ARID5B: variants seen among roughly 807,000 people sequenced by gnomAD.
The protein encoded by ARID5B is AT-rich interactive domain-containing protein 5B.
A neutral mutation model predicts 97.2 loss-of-function variants in ARID5B; 13 were observed. The ratio of observed to expected loss-of-function variants is 0.13; its 90% CI spans 0.09 to 0.21. The LOEUF (loss-of-function observed/expected upper bound fraction) is 0.21, where lower values mean the gene tolerates loss of function less well. ARID5B is among the 10% of genes least tolerant of loss of function. The pLI, the probability that ARID5B is intolerant of heterozygous loss-of-function variation, is 1.00. For missense variants in ARID5B, 1,210 were observed against 1,465.3 expected (o/e 0.83, Z 2.84); for synonymous variants, 556 against 570.3 (o/e 0.97, Z 0.36).
intron 3 of ARID5B, among the ~76,000 whole-genome samples, chr10:61,943,110 G>A (rs1844441345): frequency 6.6e-6 from 1 of 152,184 alleles, no homozygotes; most frequent in Non-Finnish European, 1.5e-5. Flanking sequence ...AATGTGGAAA[G>A]AGAAACAAAA....
intron 2 of ARID5B, among the ~76,000 whole-genome samples, chr10:61,925,349 C>T (rs1411640483): frequency 6.6e-6 from 1 of 152,058 alleles, no homozygotes; most frequent in Non-Finnish European, 1.5e-5. Flanking sequence ...CTGAGCATAA[C>T]ACTGGAATTG....
intron 1 of ARID5B, 70 bp from the exon 2 acceptor site, chr10:61,902,089 G>C: frequency 6.4e-7 from 1 of 1,567,446 alleles, no homozygotes; most frequent in Admixed American, 1.7e-5. Context: ...GTGTGTAAAT[G>C]TGTCTGGGAA....
chr10:61,963,973 T>C (rs1441002669), intron 3 of ARID5B, among the ~76,000 whole-genome samples: 8 of 152,148 alleles, frequency 5.3e-5, no homozygotes, highest in Non-Finnish European at 1.2e-4. Context: ...AGAGTGATTT[T>C]ATTTTTGCAG....
At chr10:62,068,951 A>G (rs1235658358) in intron 7 of ARID5B, among the ~76,000 whole-genome samples, 1 of 152,178 alleles carries the variant, frequency 6.6e-6, no homozygotes, top group East Asian at 1.9e-4. Flanking sequence ...TCAACTCAAT[A>G]ATGTACGTAG....
At chr10:62,032,881 G>T (rs1372556674) in intron 4 of ARID5B, among the ~76,000 whole-genome samples, 1 of 151,924 alleles carries the variant, frequency 6.6e-6, no homozygotes, top group Non-Finnish European at 1.5e-5. Context: ...TTCTATATAG[G>T]TAGAATTTGG....
rs138369765 is a variant in ARID5B, at chr10:62,055,148, G to A, written c.847-1969G>A. Among the ~76,000 whole-genome samples, 55 of 152,288 alleles carry A rather than the reference G, an allele frequency of 3.6e-4. No homozygotes were observed. In the East Asian group the frequency reaches 8.7e-3, roughly 24 times the overall value. On this transcript the variant is annotated intron_variant, in intron 5 of 9. Coordinates refer to ENST00000279873, the MANE Select transcript of ARID5B (RefSeq NM_032199.3). ...ATTTCTAAGTGGTAGGTTTCGTAAT[G>A]CCTGGTAATAAGATAGGCTTTTTAA...
intron 3 of ARID5B, among the ~76,000 whole-genome samples, chr10:61,963,947 T>A (rs1838509343): frequency 6.6e-6 from 1 of 152,094 alleles, no homozygotes; most frequent in South Asian, 2.1e-4. Context: ...TGAAAAACAT[T>A]GCCAGGATCT....
intron 8 of ARID5B, among the ~76,000 whole-genome samples, chr10:62,083,488 A>G (rs982056448): frequency 6.6e-6 from 1 of 152,056 alleles, no homozygotes; most frequent in African/African-American, 2.4e-5. Context: ...CTCCCACCCA[A>G]TTCTCTGCTT....
At chr10:62,082,540 G>A (rs745535030) in intron 8 of ARID5B, among the ~76,000 whole-genome samples, 1 of 152,138 alleles carries the variant, frequency 6.6e-6, no homozygotes, top group Non-Finnish European at 1.5e-5. Context: ...AATCTTTGCT[G>A]TGCTACAAAT....
In ARID5B at chr10:62,091,016, A is replaced by G; in HGVS notation, c.1553A>G (p.Asn518Ser). The stretch of plus-strand genomic sequence containing the variant: ...TCCAGAGTAGACCCAGAGAAGGACA[A>G]CGAAACAGACCAAGGTTCCAACAGT... Reference protein sequence around the residue: ...LASRVDPEKDNETDQGSNSEK... With the variant: ...LASRVDPEKDSETDQGSNSEK... The change falls in exon 10 of 10, where the codon AAC becomes AGC. Residue 518 changes from asparagine (N) to serine (S), a missense_variant. By Grantham distance (46) the Asn-to-Ser change is conservative. Around this residue, in one of 8 missense-constraint regions of ARID5B, gnomAD observed 800 missense variants for 839.1 expected, o/e 0.95. Coordinates refer to ENST00000279873, the MANE Select transcript of ARID5B (RefSeq NM_032199.3). The G allele has an allele frequency of 6.2e-7, 1 of 1,614,166 alleles. No homozygotes were observed. Among genetic ancestry groups the G allele is most frequent in the South Asian group, 1.1e-5 (1 of 91,082 alleles).
chr10:61,946,861 T>C (rs1046079962), intron 3 of ARID5B, among the ~76,000 whole-genome samples: 4 of 151,940 alleles, frequency 2.6e-5, no homozygotes, highest in African/African-American at 9.7e-5. Context: ...GAGGAGGTTG[T>C]AGTGAGCAGA....
intron 8 of ARID5B, among the ~76,000 whole-genome samples, chr10:62,081,360 G>C (rs559805288): frequency 1.3e-5 from 2 of 152,344 alleles, no homozygotes; most frequent in South Asian, 4.1e-4. Flanking sequence ...TCTGTAAATA[G>C]ATGGATTCTC....
intron 4 of ARID5B, among the ~76,000 whole-genome samples, chr10:62,014,580 A>C (rs1446146129): frequency 6.6e-6 from 1 of 152,128 alleles, no homozygotes; most frequent in African/African-American, 2.4e-5. Flanking sequence ...AGTGTACTAG[A>C]AAGGGCATTT....
intron 3 of ARID5B, among the ~76,000 whole-genome samples, chr10:61,988,311 A>G (rs776772947): frequency 1.3e-4 from 20 of 152,262 alleles, no homozygotes; most frequent in Non-Finnish European, 2.4e-4. Context: ...ACTGGGTGTC[A>G]TGACAGAAAA....
At chr10:62,070,627 G>A (rs1840051332) in intron 8 of ARID5B, among the ~76,000 whole-genome samples, 1 of 151,908 alleles carries the variant, frequency 6.6e-6, no homozygotes, top group South Asian at 2.1e-4. Flanking sequence ...TATCTGTATT[G>A]CATTTAACTC....
At chr10:61,916,582 A>G (rs1371119308) in intron 2 of ARID5B, among the ~76,000 whole-genome samples, 1 of 152,146 alleles carries the variant, frequency 6.6e-6, no homozygotes, top group Non-Finnish European at 1.5e-5. Flanking sequence ...CGGGAGGGTA[A>G]TTTGAAAGGT....
intron 4 of ARID5B, among the ~76,000 whole-genome samples, chr10:62,022,108 G>A (rs1226386135): frequency 1.3e-5 from 2 of 152,146 alleles, no homozygotes; most frequent in African/African-American, 4.8e-5. Flanking sequence ...TCATATAAGT[G>A]GAGCTCATAC....
intron 2 of ARID5B, among the ~76,000 whole-genome samples, chr10:61,937,419 G>A (rs570137935): frequency 6.6e-6 from 1 of 152,246 alleles, no homozygotes; most frequent in Admixed American, 6.5e-5. Context: ...ATGATTAAAT[G>A]AGCTGTTTTT....
chr10:61,992,110 G>A (rs1022215743), intron 3 of ARID5B, among the ~76,000 whole-genome samples: 1 of 152,086 alleles, frequency 6.6e-6, no homozygotes, highest in South Asian at 2.1e-4. Flanking sequence ...GGTAAGTCAG[G>A]CCCCATAGAA....
Sources: gnomAD v4.1 joint callset for allele counts (sites outside exome capture counted in the v4.1 genomes callset) on GRCh38, gnomAD v4.1.1 for gene constraint, gnomAD v4.1.1 regional missense constraint, MANE v1.5 for transcripts, NCBI Gene and HGNC (gene_info 2026-07-23, HGNC 2026-07-21) for gene names.